SMG1: variants seen among roughly 807,000 people sequenced by gnomAD.
SMG1 encodes SMG1 nonsense mediated mRNA decay associated PI3K related kinase, also known as serine/threonine-protein kinase SMG1.
In SMG1, 22 loss-of-function variants were observed where a neutral mutation model predicts 419.9. The observed-to-expected ratio is 0.05, with a 90% confidence interval of 0.04 to 0.07. SMG1 has a LOEUF of 0.07. Ranked by LOEUF, SMG1 falls within the 10% of genes least tolerant of loss-of-function variation. SMG1 has a pLI of 1.00. For missense variants in SMG1, 3,185 were observed against 4,342.0 expected, an observed-to-expected ratio of 0.73 and a Z score of 7.49; for synonymous variants, 1,538 against 1,553.5, an observed-to-expected ratio of 0.99 and a Z score of 0.23.
chr16:18,904,159 G>C (rs12924984), intron 1 of SMG1, among the ~76,000 whole-genome samples: 1 of 149,886 alleles, frequency 6.7e-6, no homozygotes, highest in Admixed American at 6.6e-5. Context: ...GGATGGTCTC[G>C]ATCTCCTGAT....
intron 55 of SMG1, among the ~76,000 whole-genome samples, chr16:18,827,771 CTAAA>C (rs1323415561): frequency 7.1e-6 from 1 of 139,910 alleles, no homozygotes; most frequent in East Asian, 2.0e-4. Flanking sequence ...ATAAATATAT[CTAAA>C]TATATATTTT....
intron 12 of SMG1, 76 bp downstream of exon 12, chr16:18,877,055 C>T (rs12931003): frequency 1.1e-4 from 113 of 1,009,432 alleles, no homozygotes; most frequent in African/African-American, 4.8e-5. Context: ...TTCACTTATA[C>T]AGCCTGGTAA....
At chr16:18,862,881 A>G (rs968526401) in intron 25 of SMG1, among the ~76,000 whole-genome samples, 2 of 152,180 alleles carry the variant, frequency 1.3e-5, no homozygotes, top group Admixed American at 1.3e-4. Context: ...TTCTCACATC[A>G]GGTCTAGGGC....
intron 40 of SMG1, 92 bp downstream of exon 40, chr16:18,842,116 G>T: frequency 1.5e-6 from 2 of 1,375,378 alleles, no homozygotes; most frequent in Non-Finnish European, 9.8e-7. Flanking sequence ...AAATTCGCCT[G>T]AAATAATCTC....
chr16:18,817,075 TTCC>T, intron 57 of SMG1, among the ~76,000 whole-genome samples: 1 of 139,806 alleles, frequency 7.2e-6, no homozygotes, highest in Non-Finnish European at 1.5e-5. Context: ...TCCTTTACAC[TTCC>T]TCATTTTTTA....
At chr16:18,815,308 T>A in intron 59 of SMG1, 27 bp from the exon 60 acceptor site, 2 of 1,544,366 alleles carry the variant, frequency 1.3e-6, no homozygotes, top group Non-Finnish European at 1.8e-6. Flanking sequence ...AATGGCTTAT[T>A]TACGAAATGT....
intron 8 of SMG1, 38 bp from the exon 9 acceptor site, chr16:18,884,205 G>GAA (rs539733559): frequency 1.9e-6 from 2 of 1,041,916 alleles, no homozygotes; most frequent in Non-Finnish European, 2.9e-6. Flanking sequence ...GGGTAGGGGG[G>GAA]AAAAAAACAC....
At position 18,837,242 on chromosome 16, in the gene SMG1, C is replaced by T. The variant is rs1468290293; in HGVS notation, c.7604+11G>A. 5.7e-6 allele frequency: 9 copies of T among 1,592,492 alleles called. No individual in the cohort carries two copies. The highest frequency in any genetic ancestry group is 6.8e-6 in the Non-Finnish European group (8 of 1,168,996). Reference sequence around the variant, plus strand: ...GGCACATATTTAGAAGAATTCAACACTGTTTTAAACCTGTGTTGCAGAGTA... The same window carrying T: ...GGCACATATTTAGAAGAATTCAACATTGTTTTAAACCTGTGTTGCAGAGTA... On this transcript the variant is annotated intron_variant, in intron 46 of 62. Coordinates refer to ENST00000446231, the MANE Select transcript of SMG1 (RefSeq NM_015092.5).
In SMG1 at chr16:18,809,054, TACTG is replaced by T. The variant is rs1272798670; in HGVS notation, c.*511_*514del. On this transcript the variant is annotated 3_prime_UTR_variant, in exon 63 of 63. Transcript: ENST00000446231. ...GCATAGCCTTTAGCCTTTTTCTACT[TACTG>T]GTCAACCCAACCAGTACTGTTGCCA... 1 of 154,622 alleles carries T rather than the reference TACTG, an allele frequency of 6.5e-6. No individual in the cohort carries two copies. The highest frequency in any genetic ancestry group is 1.4e-5 in the Non-Finnish European group (1 of 69,190). 9.6% of individuals were successfully genotyped at this position (154,622 alleles called of 1,614,324 possible).
chr16:18,897,356 T>C (rs1157387388), intron 1 of SMG1, among the ~76,000 whole-genome samples: 1 of 152,102 alleles, frequency 6.6e-6, no homozygotes, highest in Non-Finnish European at 1.5e-5. Context: ...ATGGAGAGGG[T>C]TAATCAGTCA....
chr16:18,921,364 G>C (rs1470003602), intron 1 of SMG1, among the ~76,000 whole-genome samples: 1 of 151,896 alleles, frequency 6.6e-6, no homozygotes, highest in South Asian at 2.1e-4. Context: ...GGAAAGAAAA[G>C]AAAAGAAAAA....
intron 3 of SMG1, among the ~76,000 whole-genome samples, chr16:18,894,372 A>C (rs1285309949): frequency 1.3e-5 from 2 of 152,132 alleles, no homozygotes; most frequent in East Asian, 3.8e-4. Flanking sequence ...AGATACCAAA[A>C]ATGTCATCAA....
intron 8 of SMG1, among the ~76,000 whole-genome samples, chr16:18,884,426 A>G (rs1045169825): frequency 1.2e-4 from 18 of 152,156 alleles, no homozygotes; most frequent in Non-Finnish European, 1.8e-4. Flanking sequence ...AGTAAATTTC[A>G]TATCTATATT....
chr16:18,916,331 T>C (rs12232383), intron 1 of SMG1, among the ~76,000 whole-genome samples: 14,267 of 150,834 alleles, frequency 0.095, 751 homozygotes, highest in Middle Eastern at 0.18. Context: ...CTGGCTAACA[T>C]AGTGAAACCC....
intron 9 of SMG1, among the ~76,000 whole-genome samples, chr16:18,883,115 G>A (rs985596381): frequency 3.3e-5 from 5 of 152,074 alleles, no homozygotes; most frequent in Non-Finnish European, 5.9e-5. Flanking sequence ...AATTCCTGTC[G>A]ACTACAAGCA....
chr16:18,874,903 C>CTT (rs373817069), intron 13 of SMG1, among the ~76,000 whole-genome samples: 1,075 of 94,490 alleles, frequency 0.011, 39 homozygotes, highest in East Asian at 0.047. Context: ...AAAAAAAAGC[C>CTT]TTTTTTTTTT....
chr16:18,908,679 A>C (rs1173155186), intron 1 of SMG1, among the ~76,000 whole-genome samples: 1 of 151,850 alleles, frequency 6.6e-6, no homozygotes, highest in Non-Finnish European at 1.5e-5. Context: ...GGAGATCAAG[A>C]CCATCCTGGC....
chr16:18,887,671 TTA>T (rs1491509233), intron 6 of SMG1, among the ~76,000 whole-genome samples: 1 of 80,310 alleles, frequency 1.2e-5, no homozygotes, highest in African/African-American at 5.3e-5. Flanking sequence ...CACTTTTTAT[TTA>T]AAAAAAAAAA....
At chr16:18,873,544 C>T (rs369769181) in intron 13 of SMG1, among the ~76,000 whole-genome samples, 83 of 152,216 alleles carry the variant, frequency 5.5e-4, no homozygotes, top group South Asian at 1.0e-3. Context: ...CAAAAACAGG[C>T]GCTAGTGTTG....
Sources: gnomAD v4.1 joint callset for allele counts (sites outside exome capture counted in the v4.1 genomes callset) on GRCh38, gnomAD v4.1.1 for gene constraint, MANE v1.5 for transcripts, NCBI Gene and HGNC (gene_info 2026-07-23, HGNC 2026-07-21) for gene names.